Variants in TOX2 observed in about 807,000 individuals in gnomAD.
TOX2 encodes the protein granulosa cell HMG box 1.
TOX2 carries 15 observed loss-of-function variants against 47.4 expected under a neutral mutation model. The ratio of observed to expected loss-of-function variants is 0.32; its 90% CI spans 0.21 to 0.49. The LOEUF (loss-of-function observed/expected upper bound fraction) is 0.49, where lower values mean the gene tolerates loss of function less well. Among genes scored for constraint, TOX2 ranks in the 20% least tolerant of loss-of-function variants. The pLI is 0.99. For missense variants in TOX2, 622 were observed against 673.1 expected (o/e 0.92, Z 0.84); for synonymous variants, 290 against 296.6 (o/e 0.98, Z 0.23).
chr20:43,930,922 C>T (rs527696414), intron 1 of TOX2, among the ~76,000 whole-genome samples: 33 of 152,214 alleles, frequency 2.2e-4, no homozygotes, highest in African/African-American at 6.7e-4. Flanking sequence ...TTCTGGAAGC[C>T]CCTTACCCAT....
intron 3 of TOX2, among the ~76,000 whole-genome samples, chr20:44,013,251 G>A (rs74955357): frequency 0.012 from 1,815 of 152,236 alleles, 35 homozygotes; most frequent in African/African-American, 0.041. Context: ...TTGACTCTGG[G>A]AGGTGCTTGA....
intron 1 of TOX2, chr20:43,955,245 T>G: frequency 1.0e-6 from 1 of 985,482 alleles, no homozygotes; most frequent in African/African-American, 1.7e-5. Context: ...CTGCACGAGT[T>G]CTGGCTGAGA....
chr20:43,932,781 C>CG lies in TOX2; in HGVS notation c.99+17791_99+17792insG, dbSNP rs1329918508. On this transcript the variant is annotated intron_variant, in intron 1 of 8. Transcript: ENST00000341197. The stretch of plus-strand genomic sequence containing the variant: ...GGTTGGAGAGGGGTTGCTGCCCCCC[C>CG]CCGCCATTTCTGACTGAGGGCAGGT... 1.4e-4 allele frequency among the ~76,000 whole-genome samples: 19 copies of CG among 140,412 alleles called. No homozygotes were observed. The East Asian group carries it at 3.6e-3, about 26-fold the overall frequency. 92.1% of individuals were successfully genotyped at this position (140,412 alleles called of 152,430 possible).
Position 43,915,354 on chromosome 20 carries a change from C to T in TOX2, c.99+364C>T, listed in dbSNP as rs1047989298. On this transcript the variant is annotated intron_variant, in intron 1 of 8. Transcript: ENST00000341197. This position sits in a 1 kb window ranked among gnomAD's most constrained non-coding sequence, Gnocchi z 7.1. ...CCTGACAGTCACTTATACACAACGA[C>T]ACGCAACCACTCACCCGCAAACAGC... Among the ~76,000 whole-genome samples the T allele has an allele frequency of 2.6e-5, 4 of 152,170 alleles. No homozygotes were observed. The highest frequency in any genetic ancestry group is 2.1e-4 in the South Asian group (1 of 4,826).
At chr20:44,006,980 G>A (rs1259605687) in intron 3 of TOX2, among the ~76,000 whole-genome samples, 188 bp downstream of exon 3, 1 of 152,118 alleles carries the variant, frequency 6.6e-6, no homozygotes, top group East Asian at 1.9e-4. Context: ...TGTGGGACAC[G>A]GTGGGTGGGC....
intron 1 of TOX2, among the ~76,000 whole-genome samples, chr20:43,931,904 G>C: frequency 6.6e-6 from 1 of 152,198 alleles, no homozygotes; most frequent in Non-Finnish European, 1.5e-5. Flanking sequence ...AGCCACATGT[G>C]GGTATTTTAG....
Position 43,914,856 on chromosome 20 carries a change from C to G in TOX2, c.-36C>G. The G allele has an allele frequency of 1.6e-5, 15 of 923,838 alleles. No individual in the cohort carries two copies. Among genetic ancestry groups the G allele is most frequent in the Middle Eastern group, 5.4e-4 (1 of 1,846 alleles). 57.2% of individuals were successfully genotyped at this position (923,838 alleles called of 1,614,324 possible). On this transcript the variant is annotated 5_prime_UTR_variant, in exon 1 of 9. Coordinates refer to ENST00000341197, the MANE Select transcript of TOX2 (RefSeq NM_001098797.2). The surrounding 1 kb of genome is among the most constrained non-coding windows in gnomAD (Gnocchi z 4.5). ...CCACCCGCCGCCCGCCCAGGCACTG[C>G]CCGCGGGAGCCGCCGCCGCCGCCGC... is the stretch of plus-strand genomic sequence containing the variant.
intron 3 of TOX2, among the ~76,000 whole-genome samples, chr20:44,035,257 C>T (rs1352648969): frequency 1.3e-5 from 2 of 152,248 alleles, no homozygotes; most frequent in African/African-American, 4.8e-5. Context: ...GGAGAGCCTT[C>T]CCCTACTCTG....
At position 43,943,242 on chromosome 20, in the gene TOX2, C is replaced by T. The variant is rs139918534; in HGVS notation, c.99+28252C>T. ...GATCACAACCCCAAATGCCTCCTCC[C>T]AGTACATTTGGCAGAATTCAGTCCA... On this transcript the variant is annotated intron_variant, in intron 1 of 8. Coordinates refer to ENST00000341197, the MANE Select transcript of TOX2 (RefSeq NM_001098797.2). 3.7e-3 allele frequency among the ~76,000 whole-genome samples: 561 copies of T among 152,310 alleles called. 4 individuals carry two copies. The highest frequency in any genetic ancestry group is 0.013 in the African/African-American group (535 of 41,562).
chr20:43,998,630 G>A (rs947518278), intron 2 of TOX2, among the ~76,000 whole-genome samples: 2 of 152,066 alleles, frequency 1.3e-5, no homozygotes, highest in Non-Finnish European at 2.9e-5. Flanking sequence ...TGACTTAAGT[G>A]TTCCTTTTGA....
At chr20:44,039,647 G>A (rs539086368) in intron 3 of TOX2, among the ~76,000 whole-genome samples, 38 of 152,344 alleles carry the variant, frequency 2.5e-4, no homozygotes, top group Non-Finnish European at 5.1e-4. Context: ...AAAGTCATGG[G>A]TTGTTACCTC....
chr20:44,011,274 C>T (rs2070774101), intron 3 of TOX2, among the ~76,000 whole-genome samples: 1 of 152,200 alleles, frequency 6.6e-6, no homozygotes, highest in Non-Finnish European at 1.5e-5. Flanking sequence ...CAGTGATCCT[C>T]AGCTGTGCGA....
chr20:43,955,545 C>G (rs1054843575), intron 1 of TOX2, among the ~76,000 whole-genome samples: 1 of 152,066 alleles, frequency 6.6e-6, no homozygotes, highest in Non-Finnish European at 1.5e-5. Context: ...AGAAAGAAAT[C>G]AGAAGGAAGT....
chr20:43,920,570 T>C (rs2069102603), intron 1 of TOX2, among the ~76,000 whole-genome samples: 1 of 152,034 alleles, frequency 6.6e-6, no homozygotes, highest in Admixed American at 6.5e-5. Context: ...CTAAACATGC[T>C]CCCTATAGCT....
chr20:43,962,155 C>T (rs1021042078), intron 1 of TOX2, among the ~76,000 whole-genome samples: 1 of 152,212 alleles, frequency 6.6e-6, no homozygotes, highest in African/African-American at 2.4e-5. Flanking sequence ...CATAAATCTG[C>T]AGTAATGCAG....
At chr20:44,062,782 T>TAAAAA (rs374144334) in intron 5 of TOX2, among the ~76,000 whole-genome samples, 5 of 152,186 alleles carry the variant, frequency 3.3e-5, no homozygotes, top group African/African-American at 1.2e-4. Flanking sequence ...GGTACTGGTA[T>TAAAAA]AAAAATAGGC....
chr20:44,035,340 G>A (rs1453282219), intron 3 of TOX2, among the ~76,000 whole-genome samples: 3 of 152,142 alleles, frequency 2.0e-5, no homozygotes, highest in Non-Finnish European at 4.4e-5. Context: ...GTCCTGCCAG[G>A]TCCATGTCAG....
At chr20:43,965,909 T>C (rs2069843605) in intron 1 of TOX2, among the ~76,000 whole-genome samples, 1 of 152,122 alleles carries the variant, frequency 6.6e-6, no homozygotes, top group Non-Finnish European at 1.5e-5. Context: ...ATTGAGGGAA[T>C]ATCTGATGGC....
chr20:43,919,260 G>T (rs1184644549), intron 1 of TOX2, among the ~76,000 whole-genome samples: 1 of 152,226 alleles, frequency 6.6e-6, no homozygotes, highest in African/African-American at 2.4e-5. Flanking sequence ...GTGAACAAAA[G>T]TCACTCAAAT....
Sources: allele counts gnomAD v4.1 joint callset (sites outside exome capture counted in the v4.1 genomes callset), GRCh38; gene constraint gnomAD v4.1.1; non-coding constraint Gnocchi (gnomAD v3.1); transcripts MANE v1.5; gene names NCBI Gene and HGNC (gene_info 2026-07-23, HGNC 2026-07-21).